Variants in CEP170 observed in about 807,000 individuals in gnomAD.
CEP170 encodes centrosomal protein of 170 kDa.
CEP170 carries 21 observed loss-of-function variants against 151.9 expected under a neutral mutation model. The ratio of observed to expected loss-of-function variants is 0.14; its 90% confidence interval spans 0.10 to 0.20. CEP170 has a LOEUF of 0.20. Among genes scored for constraint, CEP170 ranks in the 10% least tolerant of loss-of-function variants. The pLI, the probability that CEP170 is intolerant of heterozygous loss-of-function variation, is 1.00. For missense variants in CEP170, 964 were observed against 1,892.9 expected, an observed-to-expected ratio of 0.51 and a Z score of 9.11; for synonymous variants, 356 against 648.8, an observed-to-expected ratio of 0.55 and a Z score of 6.86.
At chr1:243,210,858 C>T (rs2061741725) in intron 4 of CEP170, among the ~76,000 whole-genome samples, 1 of 151,786 alleles carries the variant, frequency 6.6e-6, no homozygotes, top group Non-Finnish European at 1.5e-5. Flanking sequence ...CTCCTGACCT[C>T]GTGACCTGCC....
chr1:243,140,486 T>C (rs12239096), intron 15 of CEP170: 10,874 of 156,516 alleles, frequency 0.069, 765 homozygotes, highest in East Asian at 0.19. Context: ...TGTTTCTTTT[T>C]CTTTTAGTTT....
At chr1:243,170,015 A>AC (rs2058716437) in intron 11 of CEP170, among the ~76,000 whole-genome samples, 1 of 152,212 alleles carries the variant, frequency 6.6e-6, no homozygotes, top group Non-Finnish European at 1.5e-5. Flanking sequence ...TCATATGAAA[A>AC]CTGTAATGAC....
In CEP170 at chr1:243,221,093, C is replaced by G. The variant is rs145591083; in HGVS notation, c.195+631G>C. ...AGGCTGGAGTGCAGTGGCGCTGTCT[C>G]GGCTCACAACAAGCTCCGCCTCCCG... On this transcript the variant is annotated intron_variant, in intron 3 of 19. Coordinates refer to ENST00000366542, the MANE Select transcript of CEP170 (RefSeq NM_014812.3). Among the ~76,000 whole-genome samples the G allele has an allele frequency of 9.6e-3, 1,467 of 152,238 alleles. 9 individuals are homozygous for G. The highest frequency in any genetic ancestry group is 0.017 in the Middle Eastern group (5 of 294).
At chr1:243,171,666 A>T (rs1209922217) in intron 11 of CEP170, among the ~76,000 whole-genome samples, 2 of 152,188 alleles carry the variant, frequency 1.3e-5, no homozygotes, top group East Asian at 3.9e-4. Flanking sequence ...TGACACATCA[A>T]TGTGGTATGA....
chr1:243,204,575 C>T (rs1216034680), intron 4 of CEP170, among the ~76,000 whole-genome samples: 1 of 152,152 alleles, frequency 6.6e-6, no homozygotes, highest in East Asian at 1.9e-4. Flanking sequence ...TAATTTCCCA[C>T]AAAATGTGGA....
chr1:243,213,498 GATA>G (rs929231903), intron 3 of CEP170, among the ~76,000 whole-genome samples: 1 of 152,100 alleles, frequency 6.6e-6, no homozygotes, highest in African/African-American at 2.4e-5. Flanking sequence ...TCTACACTAT[GATA>G]ATGTTGATAA....
At chr1:243,164,140 C>T (rs1217017198) in intron 13 of CEP170, 144 bp downstream of exon 13, 35 of 1,076,140 alleles carry the variant, frequency 3.3e-5, no homozygotes, top group South Asian at 4.5e-5. Flanking sequence ...GACCCCCCAC[C>T]GCCGCTGCCC....
intron 3 of CEP170, among the ~76,000 whole-genome samples, chr1:243,213,622 A>C (rs968694945): frequency 6.6e-6 from 1 of 152,226 alleles, no homozygotes; most frequent in African/African-American, 2.4e-5. Flanking sequence ...CCATGAAAAA[A>C]AAAGAAATTT....
intron 1 of CEP170, among the ~76,000 whole-genome samples, chr1:243,244,965 A>C (rs1210266753): frequency 3.9e-5 from 6 of 152,222 alleles, no homozygotes; most frequent in African/African-American, 1.4e-4. Flanking sequence ...GACTATATAC[A>C]TGTTAAAATC....
At chr1:243,204,808 C>G (rs1188760612) in intron 4 of CEP170, among the ~76,000 whole-genome samples, 1 of 152,122 alleles carries the variant, frequency 6.6e-6, no homozygotes, top group Non-Finnish European at 1.5e-5. Flanking sequence ...TCTTTAGCTT[C>G]TACTTCACCC....
chr1:243,196,770 T>A (rs1366289351), intron 7 of CEP170, among the ~76,000 whole-genome samples: 1 of 152,112 alleles, frequency 6.6e-6, no homozygotes. Flanking sequence ...AAGACATGTA[T>A]AGTTTAGCTG....
At position 243,191,345 on chromosome 1, in the gene CEP170, C is replaced by G. The variant is rs757178366; in HGVS notation, c.781G>C (p.Glu261Gln). ...CTTGGCGTGTCTTTTGTTGGGATTT[C>G]ATGAATAGTGCTTTCTGTTATTTGT... is the stretch of plus-strand genomic sequence containing the variant. ...PSQITESTIHEIPTKDTPSSH... is the reference protein window; with the variant it reads ...PSQITESTIHQIPTKDTPSSH... The change falls in exon 8 of 20, where the codon GAA (glutamate) becomes CAA (glutamine). Residue 261 changes from glutamate to glutamine, a missense_variant. Coordinates refer to ENST00000366542, the MANE Select transcript of CEP170 (RefSeq NM_014812.3). 4 of 1,612,630 alleles carry G rather than the reference C, an allele frequency of 2.5e-6. No homozygotes were observed. The highest frequency in any genetic ancestry group is 3.4e-6 in the Non-Finnish European group (4 of 1,179,306).
At chr1:243,206,636 T>G (rs1476904075) in intron 4 of CEP170, among the ~76,000 whole-genome samples, 2 of 152,212 alleles carry the variant, frequency 1.3e-5, no homozygotes, top group Non-Finnish European at 2.9e-5. Flanking sequence ...CAGACATAAG[T>G]ACAATGGGTA....
At chr1:243,219,009 G>A (rs912362593) in intron 3 of CEP170, among the ~76,000 whole-genome samples, 2 of 152,108 alleles carry the variant, frequency 1.3e-5, no homozygotes, top group African/African-American at 4.8e-5. Context: ...AATAGGCTGC[G>A]AATAATAGTC....
At chr1:243,132,137 C>T (rs1235356180) in intron 17 of CEP170, among the ~76,000 whole-genome samples, 7 of 152,162 alleles carry the variant, frequency 4.6e-5, no homozygotes, top group African/African-American at 1.7e-4. Flanking sequence ...CTAGGATGAA[C>T]CCCAGTAGAC....
chr1:243,192,653 T>G (rs1343414433), intron 7 of CEP170, among the ~76,000 whole-genome samples: 1 of 152,234 alleles, frequency 6.6e-6, no homozygotes, highest in Non-Finnish European at 1.5e-5. Context: ...TTTCCAAACA[T>G]TTTCTAATTA....
In CEP170 at chr1:243,166,114, T is replaced by C. The variant is rs1388598120; in HGVS notation, c.1846A>G (p.Thr616Ala). The C allele has an allele frequency of 3.1e-6, 5 of 1,612,636 alleles. No homozygotes were observed. The highest frequency in any genetic ancestry group is 4.2e-6 in the Non-Finnish European group (5 of 1,179,328). ...GTCATGCCAGACTCACTGATCTCTGTCTCTATGAAATAAAAACCACAAAGA... is the reference window on the plus strand; with the variant it reads ...GTCATGCCAGACTCACTGATCTCTGCCTCTATGAAATAAAAACCACAAAGA... The part of the protein sequence containing the change: ...FSAPLPLENE[T>A]EISESGMTVR... Residue 616 changes from threonine (T) to alanine (A), a missense_variant and splice_region_variant, in exon 13 of 20, where the codon ACA (threonine) becomes GCA (alanine). Transcript: ENST00000366542.
chr1:243,245,958 A>T (rs1270375779), intron 1 of CEP170, among the ~76,000 whole-genome samples: 6 of 151,612 alleles, frequency 4.0e-5, no homozygotes, highest in African/African-American at 1.5e-4. Flanking sequence ...AAAAAAAAAG[A>T]AAAAAGAAAG....
intron 10 of CEP170, among the ~76,000 whole-genome samples, chr1:243,174,011 T>A (rs1360078237): frequency 6.6e-6 from 1 of 152,224 alleles, no homozygotes; most frequent in Non-Finnish European, 1.5e-5. Flanking sequence ...TCTCAAACTG[T>A]ATTTGCCTAA....
Sources: allele counts gnomAD v4.1 joint callset (sites outside exome capture counted in the v4.1 genomes callset), GRCh38; gene constraint gnomAD v4.1.1; transcripts MANE v1.5; gene names NCBI Gene and HGNC (gene_info 2026-07-23, HGNC 2026-07-21).